Variants in ATXN2L observed in about 807,000 individuals in gnomAD.
The protein encoded by ATXN2L is ataxin 2 like, also known as ataxin-2-like protein.
A neutral mutation model predicts 120.7 loss-of-function variants in ATXN2L; 24 were observed. The ratio of observed to expected loss-of-function variants is 0.20; its 90% CI spans 0.14 to 0.28. ATXN2L has a LOEUF of 0.28. Ranked by LOEUF, ATXN2L falls within the 10% of genes least tolerant of loss-of-function variation. The probability of loss-of-function intolerance (pLI) is 1.00; values close to 1 mark genes in which losing one functional copy is unlikely to be tolerated. For synonymous variants in ATXN2L, 653 were observed against 568.1 expected, an observed-to-expected ratio of 1.15 and a Z score of -2.13; for missense variants, 1,312 against 1,432.3, an observed-to-expected ratio of 0.92 and a Z score of 1.36.
intron 1 of ATXN2L, chr16:28,824,115 G>A: frequency 9.8e-7 from 1 of 1,020,372 alleles, no homozygotes; most frequent in South Asian, 3.1e-5. Context: ...GAGGACTGCG[G>A]GCCGGGAGCC....
intron 8 of ATXN2L, 86 bp from the exon 9 acceptor site, chr16:28,830,529 G>C (rs888894481): frequency 2.6e-5 from 34 of 1,329,892 alleles, no homozygotes; most frequent in Non-Finnish European, 3.3e-5. Flanking sequence ...GGGGCAGAAG[G>C]GGGAGACTTT....
At chr16:28,827,482 T>G (rs1359309224) in intron 6 of ATXN2L, among the ~76,000 whole-genome samples, 1 of 152,186 alleles carries the variant, frequency 6.6e-6, no homozygotes, top group Non-Finnish European at 1.5e-5. Context: ...TAACCACTCC[T>G]AGCATTTGCA....
At position 28,835,340 on chromosome 16, in the gene ATXN2L, G is replaced by T. The variant is rs757113481; in HGVS notation, c.2626G>T (p.Ala876Ser). 1 of 1,613,518 alleles carries T rather than the reference G, an allele frequency of 6.2e-7. No individual in the cohort carries two copies. Among genetic ancestry groups the T allele is most frequent in the East Asian group, 2.2e-5 (1 of 44,884 alleles). ...GCTCCATGCCCACCAGCCGCAGCCG[G>T]CTACCACGCCTACTGGAAGCCAGCC... ...TQLHAHQPQP[A>S]TTPTGSQPQS... is the part of the protein sequence containing the mutation. Residue 876 changes from alanine to serine, a missense_variant, in exon 20 of 22, where the codon GCT becomes TCT. Physicochemically the swap from Ala to Ser is moderately conservative, Grantham distance 99. Coordinates refer to ENST00000336783, the MANE Select transcript of ATXN2L (RefSeq NM_007245.4).
intron 1 of ATXN2L, chr16:28,824,197 C>T (rs955133640): frequency 5.0e-5 from 52 of 1,031,424 alleles, no homozygotes; most frequent in Admixed American, 6.0e-5. Flanking sequence ...TTCGCGCGCC[C>T]CGGGAACACC....
intron 18 of ATXN2L, 48 bp downstream of exon 18, chr16:28,834,741 G>A: frequency 6.4e-7 from 1 of 1,554,114 alleles, no homozygotes; most frequent in Non-Finnish European, 8.7e-7. Flanking sequence ...CCCTGCTAGG[G>A]ATCCCATCTT....
Position 28,836,686 on chromosome 16 carries a change from G to A in ATXN2L, c.*421G>A, listed in dbSNP as rs554686278. ...CATTGGAGGAAGGGACAGCTGCTTG[G>A]GTTCTAATGCTCCTGCTCTCTTCTC... On this transcript the variant is annotated 3_prime_UTR_variant, in exon 22 of 22. Coordinates refer to ENST00000336783, the MANE Select transcript of ATXN2L (RefSeq NM_007245.4). 5 of 1,613,494 alleles carry A rather than the reference G, an allele frequency of 3.1e-6. No homozygotes were observed. The African/African-American group carries it at 6.7e-5, about 22-fold the overall frequency.
At position 28,836,299 on chromosome 16, in the gene ATXN2L, C is replaced by A. The variant is rs1270679974; in HGVS notation, c.*34C>A. 2 of 1,609,698 alleles carry A rather than the reference C, an allele frequency of 1.2e-6. No homozygotes were observed. Among genetic ancestry groups the A allele is most frequent in the Non-Finnish European group, 1.7e-6 (2 of 1,177,692 alleles). Reference sequence around the variant, plus strand: ...GGAGGCAGGGCTGTCCCACAGGGCGCCCGCCGACCTGCACCTGTCTGTGAA... The same window carrying A: ...GGAGGCAGGGCTGTCCCACAGGGCGACCGCCGACCTGCACCTGTCTGTGAA... On this transcript the variant is annotated 3_prime_UTR_variant, in exon 22 of 22. Transcript: ENST00000336783.
At chr16:28,826,556 C>T (rs1347406126) in intron 5 of ATXN2L, 166 bp downstream of exon 5, 3 of 754,652 alleles carry the variant, frequency 4.0e-6, no homozygotes, top group East Asian at 5.3e-5. Flanking sequence ...GTGGATTTTT[C>T]TTCTTAAAAA....
chr16:28,834,834 C>T (rs1959518020), intron 18 of ATXN2L, 141 bp downstream of exon 18: 1 of 1,218,692 alleles, frequency 8.2e-7, no homozygotes, highest in Non-Finnish European at 1.1e-6. Flanking sequence ...CGGTGTCAGA[C>T]TTGGGCTTGA....
intron 8 of ATXN2L, 134 bp downstream of exon 8, chr16:28,830,192 G>T (rs1426316056): frequency 3.5e-6 from 3 of 852,318 alleles, no homozygotes; most frequent in Admixed American, 3.5e-5. Flanking sequence ...GGAGGTTGAG[G>T]TAAAGCGAGA....
In ATXN2L at chr16:28,826,271, A is replaced by C. The variant is rs747667397; in HGVS notation, c.497A>C (p.Lys166Thr). The C allele has an allele frequency of 6.2e-7, 1 of 1,614,174 alleles. No homozygotes were observed. The highest frequency in any genetic ancestry group is 2.2e-5 in the East Asian group (1 of 44,884). Reference sequence around the variant, plus strand: ...CTAGCCGTGGATGCTGTGCACCGGAAAGCATCTGAGCCAGCAGGTGGCCCT... The same window carrying C: ...CTAGCCGTGGATGCTGTGCACCGGACAGCATCTGAGCCAGCAGGTGGCCCT... ...FELAVDAVHR[K>T]ASEPAGGPRR... Residue 166 changes from lysine to threonine, a missense_variant, in exon 5 of 22, where the codon AAA becomes ACA. By Grantham distance (78) the Lys-to-Thr change is moderately conservative. Coordinates refer to ENST00000336783, the MANE Select transcript of ATXN2L (RefSeq NM_007245.4).
At position 28,832,178 on chromosome 16, in the gene ATXN2L, A is replaced by C. The variant is rs756276651; in HGVS notation, c.1322-27A>C. 1.5e-5 allele frequency: 24 copies of C among 1,613,292 alleles called. No homozygotes were observed. In the South Asian group the frequency reaches 2.6e-4, roughly 18 times the overall value. On this transcript the variant is annotated intron_variant, in intron 10 of 21. Transcript: ENST00000336783. ...TCACTGCTGTTGACCAGCAGTAACC[A>C]TCCTACAGCTCCCCCTTTTCTTCCA... is the stretch of plus-strand genomic sequence containing the variant.
chr16:28,827,297 G>A (rs1412783930), intron 6 of ATXN2L, among the ~76,000 whole-genome samples: 1 of 152,108 alleles, frequency 6.6e-6, no homozygotes, highest in Non-Finnish European at 1.5e-5. Flanking sequence ...ATCAAGGTTT[G>A]GTGGCATGTA....
In ATXN2L at chr16:28,835,158, C is replaced by T; in HGVS notation, c.2534C>T (p.Ala845Val). 1 of 1,613,446 alleles carries T rather than the reference C, an allele frequency of 6.2e-7. No homozygotes were observed. The highest frequency in any genetic ancestry group is 8.5e-7 in the Non-Finnish European group (1 of 1,179,626). The change falls in exon 19 of 22, where the codon GCA becomes GTA. Residue 845 changes from alanine to valine, a missense_variant. Coordinates refer to ENST00000336783, the MANE Select transcript of ATXN2L (RefSeq NM_007245.4). ...TCCTCTACCCCTCAGTACCCTTCTG[C>T]AGAGCAGCCTACCCCCCAAGCCCTT... is the stretch of plus-strand genomic sequence containing the variant. ...VSSSTPQYPS[A>V]EQPTPQALYA...
At chr16:28,834,840 C>T in intron 18 of ATXN2L, 147 bp downstream of exon 18, 1 of 1,204,868 alleles carries the variant, frequency 8.3e-7, no homozygotes, top group East Asian at 2.6e-5. Context: ...CAGACTTGGG[C>T]TTGAGCCCTG....
chr16:28,834,928 A>T (rs1003526926), intron 18 of ATXN2L, 130 bp from the exon 19 acceptor site: 1 of 1,297,258 alleles, frequency 7.7e-7, no homozygotes, highest in African/African-American at 1.5e-5. Context: ...GCTGGGTGGG[A>T]TCGTTATGAA....
At chr16:28,835,440 A>G (rs199604689) in intron 20 of ATXN2L, 41 bp downstream of exon 20, 2 of 1,611,864 alleles carry the variant, frequency 1.2e-6, no homozygotes, top group East Asian at 2.2e-5. Flanking sequence ...TGGTGCAGGA[A>G]TGGGTGGCCA....
rs564497136 is a variant in ATXN2L, at chr16:28,828,910, A to T, written c.742-491A>T. On this transcript the variant is annotated intron_variant, in intron 6 of 21. Transcript: ENST00000336783. ...AGGCATGCGCCACCACGGATGGCTA[A>T]TTTTTTATTTTTAGTAGAGACGGGG... Among the ~76,000 whole-genome samples, 5 of 151,994 alleles carry T rather than the reference A, an allele frequency of 3.3e-5. No homozygotes were observed. In the East Asian group the frequency reaches 9.7e-4, roughly 30 times the overall value.
chr16:28,823,885 T>G, intron 1 of ATXN2L: 1 of 281,914 alleles, frequency 3.5e-6, no homozygotes. Context: ...GGGTCCCCGG[T>G]TCCATTACCA....
Sources: gnomAD v4.1 joint callset for allele counts (sites outside exome capture counted in the v4.1 genomes callset) on GRCh38, gnomAD v4.1.1 for gene constraint, MANE v1.5 for transcripts, NCBI Gene and HGNC (gene_info 2026-07-23, HGNC 2026-07-21) for gene names.